The following GRIK2 variants were observed in gnomAD, a reference collection of about 807,000 sequenced individuals.
GRIK2 encodes the protein glutamate ionotropic receptor kainate type subunit 2.
In GRIK2, 32 loss-of-function variants were observed where a neutral mutation model predicts 100.3. That is an observed-to-expected ratio of 0.32 (90% CI 0.24 to 0.43). The LOEUF is 0.43. GRIK2 is among the 20% of genes least tolerant of loss of function. The probability of loss-of-function intolerance (pLI) is 1.00; values close to 1 mark genes in which losing one functional copy is unlikely to be tolerated. For synonymous variants in GRIK2, 417 were observed against 389.4 expected, an observed-to-expected ratio of 1.07 and a Z score of -0.83; for missense variants, 843 against 1,114.9, an observed-to-expected ratio of 0.76 and a Z score of 3.47.
intron 7 of GRIK2, among the ~76,000 whole-genome samples, chr6:101,722,011 G>A (rs1359809633): frequency 6.6e-6 from 1 of 151,806 alleles, no homozygotes; most frequent in Non-Finnish European, 1.5e-5. Flanking sequence ...ATCCATTTGT[G>A]CTTTAATAAC....
At chr6:101,538,294 GA>G (rs1775814438) in intron 2 of GRIK2, among the ~76,000 whole-genome samples, 1 of 151,590 alleles carries the variant, frequency 6.6e-6, no homozygotes, top group Admixed American at 6.6e-5. Flanking sequence ...GTGTAGTTCT[GA>G]AAAACTATCC....
chr6:102,029,519 T>A (rs1162164818), intron 14 of GRIK2, among the ~76,000 whole-genome samples: 1 of 151,268 alleles, frequency 6.6e-6, no homozygotes, highest in African/African-American at 2.4e-5. Context: ...ATTTATTGAT[T>A]TTTACGTTTC....
At chr6:101,818,874 G>A (rs1781787549) in intron 10 of GRIK2, among the ~76,000 whole-genome samples, 1 of 151,958 alleles carries the variant, frequency 6.6e-6, no homozygotes, top group African/African-American at 2.4e-5. Context: ...ATATTTCATA[G>A]GGCATGGCAC....
chr6:101,870,763 A>G (rs891702678), intron 11 of GRIK2, among the ~76,000 whole-genome samples: 1 of 151,860 alleles, frequency 6.6e-6, no homozygotes, highest in Non-Finnish European at 1.5e-5. Flanking sequence ...AGAGTTTTGA[A>G]GTAGAGCACT....
intron 7 of GRIK2, among the ~76,000 whole-genome samples, chr6:101,690,800 C>T (rs1772039151): frequency 6.6e-6 from 1 of 152,130 alleles, no homozygotes; most frequent in African/African-American, 2.4e-5. Flanking sequence ...ATTTAAACCA[C>T]TTACCTTTTT....
chr6:101,809,439 C>G (rs113244213), intron 9 of GRIK2, among the ~76,000 whole-genome samples: 1 of 151,806 alleles, frequency 6.6e-6, no homozygotes, highest in Admixed American at 6.6e-5. Flanking sequence ...AAAAAGGTGC[C>G]TGAATGGAAT....
At chr6:101,692,177 A>C (rs1273639887) in intron 7 of GRIK2, among the ~76,000 whole-genome samples, 1 of 151,750 alleles carries the variant, frequency 6.6e-6, no homozygotes, top group Non-Finnish European at 1.5e-5. Flanking sequence ...TGCTTGTCTT[A>C]ATTAATTTTA....
At chr6:102,043,771 C>T (rs1770726206) in intron 15 of GRIK2, among the ~76,000 whole-genome samples, 1 of 66,186 alleles carries the variant, frequency 1.5e-5, no homozygotes, top group South Asian at 4.3e-4. Flanking sequence ...TGAGTAAATA[C>T]ATAGAAGTAA....
chr6:101,979,773 A>G (rs1793605785), intron 14 of GRIK2, among the ~76,000 whole-genome samples: 1 of 151,990 alleles, frequency 6.6e-6, no homozygotes, highest in African/African-American at 2.4e-5. Context: ...CTATATGTTA[A>G]GCCCATAAAT....
At chr6:101,404,156 TG>T (rs1312733368) in intron 2 of GRIK2, among the ~76,000 whole-genome samples, 1 of 152,244 alleles carries the variant, frequency 6.6e-6, no homozygotes, top group East Asian at 1.9e-4. Context: ...AGACTAGCTT[TG>T]CTTTTTGGTT....
intron 2 of GRIK2, among the ~76,000 whole-genome samples, chr6:101,497,208 C>G (rs1282715295): frequency 6.6e-6 from 1 of 152,094 alleles, no homozygotes; most frequent in Non-Finnish European, 1.5e-5. Context: ...ATTTTGCTTC[C>G]TTCATAGATT....
At chr6:101,873,746 C>A (rs935802453) in intron 11 of GRIK2, among the ~76,000 whole-genome samples, 13 of 151,926 alleles carry the variant, frequency 8.6e-5, no homozygotes, top group Non-Finnish European at 1.9e-4. Flanking sequence ...TCCACATCCT[C>A]TCCAGCACCT....
At chr6:101,410,999 A>G (rs530782019) in intron 2 of GRIK2, among the ~76,000 whole-genome samples, 22 of 152,168 alleles carry the variant, frequency 1.4e-4, no homozygotes, top group Admixed American at 3.9e-4. Flanking sequence ...GTTTCTGGAA[A>G]CAGCCTTCCC....
At chr6:101,458,643 A>G (rs1771133665) in intron 2 of GRIK2, among the ~76,000 whole-genome samples, 1 of 152,192 alleles carries the variant, frequency 6.6e-6, no homozygotes, top group African/African-American at 2.4e-5. Flanking sequence ...GGCACAAAAG[A>G]GTGCTGGCAA....
At chr6:101,982,871 A>G (rs1355806801) in intron 14 of GRIK2, among the ~76,000 whole-genome samples, 1 of 151,764 alleles carries the variant, frequency 6.6e-6, no homozygotes, top group African/African-American at 2.4e-5. Context: ...ATGGGAGCCA[A>G]ACATGGTTTG....
chr6:101,695,988 TAAAA>T (rs896713835), intron 7 of GRIK2, among the ~76,000 whole-genome samples: 1 of 151,838 alleles, frequency 6.6e-6, no homozygotes, highest in Non-Finnish European at 1.5e-5. Context: ...CATCATAAAA[TAAAA>T]AAAATCACAA....
intron 12 of GRIK2, among the ~76,000 whole-genome samples, chr6:101,893,471 A>G (rs759297308): frequency 9.2e-5 from 14 of 151,786 alleles, no homozygotes; most frequent in Non-Finnish European, 1.6e-4. Flanking sequence ...ACTAAATTAT[A>G]ATGAGTGATT....
intron 7 of GRIK2, among the ~76,000 whole-genome samples, chr6:101,691,142 T>C (rs1772064882): frequency 6.6e-6 from 1 of 151,690 alleles, no homozygotes; most frequent in Non-Finnish European, 1.5e-5. Flanking sequence ...ATTTTAATCA[T>C]ATTACATCTG....
intron 14 of GRIK2, among the ~76,000 whole-genome samples, chr6:102,015,130 G>A (rs566965442): frequency 1.4e-3 from 206 of 151,958 alleles, no homozygotes; most frequent in African/African-American, 4.7e-3. Flanking sequence ...CTCCTATGTT[G>A]GGTGCATGTA....
Sources: allele counts gnomAD v4.1 joint callset (sites outside exome capture counted in the v4.1 genomes callset), GRCh38; gene constraint gnomAD v4.1.1; transcripts MANE v1.5; gene names NCBI Gene and HGNC (gene_info 2026-07-23, HGNC 2026-07-21).